The following EXOC6B variants were observed in gnomAD, a reference collection of about 807,000 sequenced individuals.
EXOC6B encodes SEC15 homolog B.
Under a neutral mutation model 113.5 loss-of-function variants are expected in EXOC6B, and 54 were observed. The observed-to-expected ratio is 0.48, with a 90% CI of 0.38 to 0.60. The LOEUF is 0.60. Ranked by LOEUF, EXOC6B falls within the 20% of genes least tolerant of loss-of-function variation. The probability of loss-of-function intolerance (pLI) is 0.00; values close to 1 mark genes in which losing one functional copy is unlikely to be tolerated. For missense variants in EXOC6B, 797 were observed against 977.5 expected (o/e 0.82, Z 2.46); for synonymous variants, 357 against 339.0 (o/e 1.05, Z -0.58).
chr2:72,538,876 G>C (rs771823973), intron 8 of EXOC6B, among the ~76,000 whole-genome samples: 1 of 152,172 alleles, frequency 6.6e-6, no homozygotes, highest in Non-Finnish European at 1.5e-5. Context: ...TCTCTGGCCT[G>C]CTATGTTACT....
chr2:72,394,385 G>A (rs1392309599), intron 18 of EXOC6B, among the ~76,000 whole-genome samples: 2 of 152,070 alleles, frequency 1.3e-5, no homozygotes, highest in Non-Finnish European at 2.9e-5. Context: ...ATAATATTAT[G>A]AGGGCACAAT....
intron 19 of EXOC6B, among the ~76,000 whole-genome samples, chr2:72,354,491 G>A (rs1021059220): frequency 2.0e-5 from 3 of 152,196 alleles, no homozygotes; most frequent in Non-Finnish European, 4.4e-5. Context: ...CTTAGGCCAC[G>A]ATAAGGAGGA....
At chr2:72,208,525 T>C (rs982584827) in intron 20 of EXOC6B, among the ~76,000 whole-genome samples, 7 of 152,170 alleles carry the variant, frequency 4.6e-5, no homozygotes, top group Admixed American at 1.3e-4. Context: ...TTTGCTATTG[T>C]GAATAGCATG....
intron 18 of EXOC6B, among the ~76,000 whole-genome samples, chr2:72,443,088 A>G (rs1696315548): frequency 6.6e-6 from 1 of 152,098 alleles, no homozygotes; most frequent in Non-Finnish European, 1.5e-5. Flanking sequence ...GCACTTTGGG[A>G]GGCTGAGGTG....
chr2:72,735,539 G>A (rs1173005111), intron 2 of EXOC6B, among the ~76,000 whole-genome samples: 5 of 152,194 alleles, frequency 3.3e-5, no homozygotes, highest in Admixed American at 6.5e-5. Context: ...TGTGGGCTAG[G>A]TGCAGTGGCT....
At chr2:72,520,581 C>A (rs560454467) in intron 8 of EXOC6B, among the ~76,000 whole-genome samples, 1 of 152,246 alleles carries the variant, frequency 6.6e-6, no homozygotes, top group Admixed American at 6.5e-5. Flanking sequence ...AGCTTTCAGG[C>A]TTGGTTTGTG....
Position 72,706,982 on chromosome 2 carries a change from T to C in EXOC6B, c.669+11121A>G, listed in dbSNP as rs138537638. On this transcript the variant is annotated intron_variant, in intron 6 of 21. Coordinates refer to ENST00000272427, the MANE Select transcript of EXOC6B (RefSeq NM_015189.3). ...TAAGCACTCAAGTCAGCAAATCTAG[T>C]CTTTAAACCATCCCAACAAAGGTGC... 2.0e-5 allele frequency among the ~76,000 whole-genome samples: 3 copies of C among 152,236 alleles called. No homozygotes were observed. The East Asian group carries it at 5.8e-4, about 29-fold the overall frequency.
chr2:72,685,314 G>C (rs1053833299), intron 6 of EXOC6B, among the ~76,000 whole-genome samples: 1 of 152,124 alleles, frequency 6.6e-6, no homozygotes, highest in Non-Finnish European at 1.5e-5. Flanking sequence ...TCCAGATATA[G>C]TCTCATTTTG....
At chr2:72,267,520 G>T (rs1684204992) in intron 20 of EXOC6B, among the ~76,000 whole-genome samples, 1 of 152,094 alleles carries the variant, frequency 6.6e-6, no homozygotes, top group South Asian at 2.1e-4. Flanking sequence ...TAATCATGTG[G>T]TTTTTGTCAT....
chr2:72,339,500 T>C (rs1171443134), intron 19 of EXOC6B, among the ~76,000 whole-genome samples: 3 of 152,092 alleles, frequency 2.0e-5, no homozygotes, highest in Non-Finnish European at 4.4e-5. Flanking sequence ...GGAGACTGAA[T>C]CAAAGTTCAG....
chr2:72,626,050 A>T (rs551947059), intron 6 of EXOC6B, among the ~76,000 whole-genome samples: 1 of 152,226 alleles, frequency 6.6e-6, no homozygotes, highest in South Asian at 2.1e-4. Context: ...GACTATATAC[A>T]TAAGTCAAGC....
chr2:72,339,030 A>G (rs1266651737), intron 19 of EXOC6B, among the ~76,000 whole-genome samples: 1 of 151,988 alleles, frequency 6.6e-6, no homozygotes, highest in South Asian at 2.1e-4. Context: ...TAGTAACAAG[A>G]GATATAATTT....
chr2:72,704,727 G>T (rs1262254704), intron 6 of EXOC6B, among the ~76,000 whole-genome samples: 3 of 150,366 alleles, frequency 2.0e-5, no homozygotes, highest in Admixed American at 6.6e-5. Flanking sequence ...AGAAAATCTA[G>T]AAGAAATGGA....
rs184707984 is a variant in EXOC6B, at chr2:72,257,270, T to C, written c.2197-73083A>G. ...TCACGGAGCTTAAAAAAAAACCATATCTTTGTTTCTTAGCAAAGGATCTGT... is the reference window on the plus strand; with the variant it reads ...TCACGGAGCTTAAAAAAAAACCATACCTTTGTTTCTTAGCAAAGGATCTGT... On this transcript the variant is annotated intron_variant, in intron 20 of 21. Transcript: ENST00000272427. Among the ~76,000 whole-genome samples the C allele has an allele frequency of 7.9e-4, 121 of 152,262 alleles. 1 individual carries two copies. The highest frequency in any genetic ancestry group is 2.1e-4 in the Non-Finnish European group (14 of 68,014).
At chr2:72,620,040 C>T (rs1293547042) in intron 6 of EXOC6B, among the ~76,000 whole-genome samples, 1 of 152,240 alleles carries the variant, frequency 6.6e-6, no homozygotes, top group Non-Finnish European at 1.5e-5. Context: ...ATCCATTCTG[C>T]AAGTCCTCCT....
intron 6 of EXOC6B, among the ~76,000 whole-genome samples, chr2:72,712,136 G>C (rs1279261058): frequency 6.6e-6 from 1 of 152,162 alleles, no homozygotes; most frequent in Non-Finnish European, 1.5e-5. Context: ...AGAAGACTGA[G>C]AGACTTCTAG....
intron 6 of EXOC6B, among the ~76,000 whole-genome samples, chr2:72,624,467 G>A (rs568143342): frequency 2.0e-5 from 3 of 152,238 alleles, no homozygotes; most frequent in Non-Finnish European, 4.4e-5. Context: ...TTGACCGGGT[G>A]CAGTGTCTCA....
At chr2:72,477,606 C>A (rs1698827932) in intron 17 of EXOC6B, among the ~76,000 whole-genome samples, 1 of 152,220 alleles carries the variant, frequency 6.6e-6, no homozygotes, top group East Asian at 1.9e-4. Context: ...TTACCCCCCA[C>A]AACTCAATCT....
intron 16 of EXOC6B, among the ~76,000 whole-genome samples, chr2:72,487,357 G>GT (rs1699482790): frequency 6.6e-6 from 1 of 151,414 alleles, no homozygotes; most frequent in Non-Finnish European, 1.5e-5. Flanking sequence ...GTTTTGTTTT[G>GT]TTTTGTTTTT....
Sources: gnomAD v4.1 joint callset for allele counts (sites outside exome capture counted in the v4.1 genomes callset) on GRCh38, gnomAD v4.1.1 for gene constraint, MANE v1.5 for transcripts, NCBI Gene and HGNC (gene_info 2026-07-23, HGNC 2026-07-21) for gene names.